TENT2: variants seen among roughly 807,000 people sequenced by gnomAD.
The protein encoded by TENT2 is terminal nucleotidyltransferase 2, also known as poly(A) RNA polymerase GLD2.
A neutral mutation model predicts 72.2 loss-of-function variants in TENT2; 44 were observed. The observed-to-expected ratio is 0.61, with a 90% CI of 0.48 to 0.78. The LOEUF (loss-of-function observed/expected upper bound fraction) is 0.78. Ranked by LOEUF, TENT2 falls within the 30% of genes least tolerant of loss-of-function variation. TENT2 has a pLI of 0.00. For synonymous variants in TENT2, 212 were observed against 192.5 expected, an observed-to-expected ratio of 1.10 and a Z score of -0.84; for missense variants, 541 against 569.6, an observed-to-expected ratio of 0.95 and a Z score of 0.51.
chr5:79,666,138 G>A (rs1467226612), intron 11 of TENT2, among the ~76,000 whole-genome samples: 6 of 151,072 alleles, frequency 4.0e-5, no homozygotes, highest in African/African-American at 7.3e-5. Flanking sequence ...ACAGGCGCCC[G>A]CCACCATGTC....
intron 11 of TENT2, 173 bp from the exon 12 acceptor site, chr5:79,668,719 A>T (rs1253182522): frequency 3.3e-6 from 2 of 608,022 alleles, no homozygotes; most frequent in Non-Finnish European, 5.6e-6. Context: ...ATTCTGGTCT[A>T]CTGCAAATAC....
chr5:79,628,202 AGTTT>A (rs761059488), intron 4 of TENT2, among the ~76,000 whole-genome samples: 6 of 152,308 alleles, frequency 3.9e-5, no homozygotes, highest in Admixed American at 2.6e-4. Context: ...TGTGCTCGAC[AGTTT>A]GTTTGGTTTA....
chr5:79,671,437 C>T (rs1812855963), intron 12 of TENT2, among the ~76,000 whole-genome samples: 1 of 150,090 alleles, frequency 6.7e-6, no homozygotes. Flanking sequence ...CAGAACCTTG[C>T]TCTGTTGCCC....
intron 11 of TENT2, among the ~76,000 whole-genome samples, chr5:79,660,267 C>T (rs899400383): frequency 3.3e-5 from 5 of 152,104 alleles, no homozygotes; most frequent in Non-Finnish European, 2.9e-5. Flanking sequence ...ATTGACTTAA[C>T]GTAGCTGATG....
intron 4 of TENT2, among the ~76,000 whole-genome samples, chr5:79,626,594 C>A (rs948719162): frequency 4.6e-4 from 70 of 151,112 alleles, no homozygotes; most frequent in Admixed American, 1.3e-3. Flanking sequence ...GGCGTGAACC[C>A]CCGCACCCGG....
rs1398925691 is a variant in TENT2 at position 79,669,078 on chromosome 5, G to A, written c.1208+50G>A. The A allele has an allele frequency of 6.4e-6, 10 of 1,553,696 alleles. No individual in the cohort carries two copies. The East Asian group carries it at 2.0e-4, about 32-fold the overall frequency. On this transcript the variant is annotated intron_variant, in intron 12 of 14. Coordinates refer to ENST00000453514, the MANE Select transcript of TENT2 (RefSeq NM_001114394.3). ...TGTTCACTTATATGTGTGTGTGTGTGTATGTATGTATATATATGAATACGA... is the reference window on the plus strand; with the variant it reads ...TGTTCACTTATATGTGTGTGTGTGTATATGTATGTATATATATGAATACGA...
rs182543966 is a variant in TENT2, at chr5:79,635,826, G to A, written c.466-5025G>A. Among the ~76,000 whole-genome samples, 41 of 152,296 alleles carry A rather than the reference G, an allele frequency of 2.7e-4. No individual in the cohort carries two copies. The East Asian group carries it at 7.9e-3, about 29-fold the overall frequency. ...CCACCTTGGCCTCCCAAAGTGCTAG[G>A]ATTACAGGCGTGAGCTACCTTGCCC... On this transcript the variant is annotated intron_variant, in intron 4 of 14. Transcript: ENST00000453514.
rs146480626 is a variant in TENT2 at position 79,631,884 on chromosome 5, TAGG to T, written c.465+8401_465+8403del. Among the ~76,000 whole-genome samples, 1,324 of 152,240 alleles carry T rather than the reference TAGG, an allele frequency of 8.7e-3. 14 individuals are homozygous for T. The highest frequency in any genetic ancestry group is 0.031 in the African/African-American group (1,286 of 41,536). ...AGAAAAACTTTTTTGAACTGGCTGA[TAGG>T]AGGAGAGGATAGGTATAGATACAGG... On this transcript the variant is annotated intron_variant, in intron 4 of 14. Coordinates refer to ENST00000453514, the MANE Select transcript of TENT2 (RefSeq NM_001114394.3).
At chr5:79,624,870 T>G (rs1371785442) in intron 4 of TENT2, among the ~76,000 whole-genome samples, 1 of 152,230 alleles carries the variant, frequency 6.6e-6, no homozygotes, top group South Asian at 2.1e-4. Flanking sequence ...TATAAATATC[T>G]GTGTACAGAT....
intron 11 of TENT2, among the ~76,000 whole-genome samples, chr5:79,664,112 G>T (rs1444504752): frequency 6.6e-6 from 1 of 152,150 alleles, no homozygotes; most frequent in African/African-American, 2.4e-5. Context: ...GGTGTACATA[G>T]GTTATATGCA....
chr5:79,676,694 T>C (rs764517063), intron 12 of TENT2, among the ~76,000 whole-genome samples: 8 of 152,052 alleles, frequency 5.3e-5, no homozygotes, highest in Non-Finnish European at 7.3e-5. Flanking sequence ...ATTGGTTGTC[T>C]CAGTTTTATA....
At chr5:79,645,685 G>A (rs772879914) in intron 8 of TENT2, among the ~76,000 whole-genome samples, 4 of 152,012 alleles carry the variant, frequency 2.6e-5, no homozygotes, top group Non-Finnish European at 5.9e-5. Flanking sequence ...TACCAGCTTG[G>A]GTTCTGAATG....
chr5:79,648,327 A>T (rs756736323), intron 8 of TENT2, among the ~76,000 whole-genome samples: 1 of 152,056 alleles, frequency 6.6e-6, no homozygotes, highest in Non-Finnish European at 1.5e-5. Flanking sequence ...AAAAAAAAAG[A>T]TTTAAAAATT....
At position 79,685,176 on chromosome 5, in the gene TENT2, A is replaced by C. The variant is rs181629666; in HGVS notation, c.1381-23A>C. The C allele has an allele frequency of 3.6e-5, 56 of 1,565,392 alleles. No homozygotes were observed. The Admixed American group carries it at 9.6e-4, about 27-fold the overall frequency. On this transcript the variant is annotated intron_variant, in intron 14 of 14. Coordinates refer to ENST00000453514, the MANE Select transcript of TENT2 (RefSeq NM_001114394.3). ...TTCTGCATAAATTTTAGGTTTTAAGAATGATTTTTCTTTCTCTCCCAGTCA... is the reference window on the plus strand; with the variant it reads ...TTCTGCATAAATTTTAGGTTTTAAGCATGATTTTTCTTTCTCTCCCAGTCA...
chr5:79,683,658 G>A (rs537674361), intron 14 of TENT2, among the ~76,000 whole-genome samples: 1 of 152,202 alleles, frequency 6.6e-6, no homozygotes, highest in East Asian at 1.9e-4. Context: ...GCTCACGCCT[G>A]TAATCCCAGC....
At chr5:79,654,291 C>T (rs148382241) in intron 10 of TENT2, among the ~76,000 whole-genome samples, 208 of 152,114 alleles carry the variant, frequency 1.4e-3, no homozygotes, top group Middle Eastern at 0.014. Flanking sequence ...ATTAGCTGGG[C>T]GTGGTAGTGC....
chr5:79,655,915 A>C (rs1797621806), intron 10 of TENT2, among the ~76,000 whole-genome samples: 1 of 151,934 alleles, frequency 6.6e-6, no homozygotes, highest in Non-Finnish European at 1.5e-5. Context: ...ATACCCTTTT[A>C]ATTATAGTTG....
intron 11 of TENT2, among the ~76,000 whole-genome samples, chr5:79,657,400 A>AG (rs1317014338): frequency 6.6e-6 from 1 of 152,066 alleles, no homozygotes; most frequent in African/African-American, 2.4e-5. Context: ...TTTGAAAAGC[A>AG]GGGGGAAAGA....
In TENT2 at chr5:79,687,961, G is replaced by A. The variant is rs932733953; in HGVS notation, c.*2688G>A. On this transcript the variant is annotated 3_prime_UTR_variant, in exon 15 of 15. Transcript: ENST00000453514. ...GTACTGGATGAGCATGGTCATTTGG[G>A]ATTACTGATGGTGAAGTCTAGCTGG... Among the ~76,000 whole-genome samples, 2 of 151,816 alleles carry A rather than the reference G, an allele frequency of 1.3e-5. No individual in the cohort carries two copies. Among genetic ancestry groups the A allele is most frequent in the African/African-American group, 2.4e-5 (1 of 41,184 alleles).
Sources: allele counts gnomAD v4.1 joint callset (sites outside exome capture counted in the v4.1 genomes callset), GRCh38; gene constraint gnomAD v4.1.1; transcripts MANE v1.5; gene names NCBI Gene and HGNC (gene_info 2026-07-23, HGNC 2026-07-21).